NPAS3: variants seen among roughly 807,000 people sequenced by gnomAD.
NPAS3 encodes neuronal PAS domain protein 3, also known as neuronal PAS domain-containing protein 3.
Under a neutral mutation model 73.1 loss-of-function variants are expected in NPAS3, and 14 were observed. The observed-to-expected ratio is 0.19, with a 90% confidence interval of 0.13 to 0.30. NPAS3 has a LOEUF of 0.30. Ranked by LOEUF, NPAS3 falls within the 10% of genes least tolerant of loss-of-function variation. The pLI, the probability that NPAS3 is intolerant of heterozygous loss-of-function variation, is 1.00. For missense variants in NPAS3, 1,096 were observed against 1,250.0 expected (o/e 0.88, Z 1.86); for synonymous variants, 620 against 541.5 (o/e 1.14, Z -2.01).
At chr14:32,963,912 T>C (rs1401950430) in intron 1 of NPAS3, among the ~76,000 whole-genome samples, 1 of 151,942 alleles carries the variant, frequency 6.6e-6, no homozygotes, top group East Asian at 1.9e-4. Context: ...TGAGAAGCCA[T>C]GATTTGGGAG....
chr14:33,681,619 T>TAGAGTAGCAACTTTC (rs2059940548), intron 6 of NPAS3, among the ~76,000 whole-genome samples: 1 of 152,182 alleles, frequency 6.6e-6, no homozygotes, highest in Non-Finnish European at 1.5e-5. Flanking sequence ...TATCTACATA[T>TAGAGTAGCAACTTTC]AGAGTAGCAA....
chr14:33,446,104 T>C (rs923692450), intron 4 of NPAS3, among the ~76,000 whole-genome samples: 5 of 151,962 alleles, frequency 3.3e-5, no homozygotes, highest in African/African-American at 4.8e-5. Flanking sequence ...CACTGAAATC[T>C]TTTCTTCCAG....
At chr14:33,763,836 G>T (rs2062374063) in intron 7 of NPAS3, among the ~76,000 whole-genome samples, 1 of 141,016 alleles carries the variant, frequency 7.1e-6, no homozygotes, top group Non-Finnish European at 1.5e-5. Flanking sequence ...CTAAATTTGG[G>T]GAGTATTGGT....
intron 1 of NPAS3, among the ~76,000 whole-genome samples, chr14:33,034,008 A>G (rs889449103): frequency 6.6e-6 from 1 of 152,214 alleles, no homozygotes; most frequent in African/African-American, 2.4e-5. Flanking sequence ...ACAAATTTAA[A>G]TCAGATAATC....
chr14:33,348,179 C>T (rs2044839465), intron 3 of NPAS3, among the ~76,000 whole-genome samples: 1 of 152,158 alleles, frequency 6.6e-6, no homozygotes, highest in Admixed American at 6.5e-5. Context: ...TAACTTGCCC[C>T]ATATCCCATG....
chr14:33,256,462 TA>T (rs2139926882), intron 3 of NPAS3, among the ~76,000 whole-genome samples: 1 of 152,322 alleles, frequency 6.6e-6, no homozygotes, highest in South Asian at 2.1e-4. Context: ...GGTGAATTAC[TA>T]GTAATTTCAC....
At chr14:33,110,847 A>G (rs538071077) in intron 2 of NPAS3, among the ~76,000 whole-genome samples, 1 of 152,312 alleles carries the variant, frequency 6.6e-6, no homozygotes, top group East Asian at 1.9e-4. Flanking sequence ...ACTAGGTTTT[A>G]TGTTGTTAAC....
At chr14:33,315,359 T>C (rs924861195) in intron 3 of NPAS3, among the ~76,000 whole-genome samples, 4 of 152,048 alleles carry the variant, frequency 2.6e-5, no homozygotes, top group Non-Finnish European at 5.9e-5. Flanking sequence ...AGTAATAGAT[T>C]CTTTATTGTG....
intron 1 of NPAS3, among the ~76,000 whole-genome samples, chr14:32,967,308 A>G (rs1023992110): frequency 6.6e-6 from 1 of 152,240 alleles, no homozygotes; most frequent in African/African-American, 2.4e-5. Context: ...AATGCAACAT[A>G]TAATTTACAA....
chr14:33,755,033 T>A (rs1383511522), intron 7 of NPAS3, among the ~76,000 whole-genome samples: 2 of 152,326 alleles, frequency 1.3e-5, no homozygotes, highest in South Asian at 2.1e-4. Flanking sequence ...GCCCTGGCCT[T>A]AGGATCAACA....
At chr14:33,313,225 C>G (rs1360858012) in intron 3 of NPAS3, among the ~76,000 whole-genome samples, 1 of 152,040 alleles carries the variant, frequency 6.6e-6, no homozygotes, top group Admixed American at 6.6e-5. Context: ...TCATTCTCAT[C>G]AGATAAAAAT....
Position 33,615,461 on chromosome 14 carries a change from G to A in NPAS3, c.558+55251G>A, listed in dbSNP as rs532794364. ...ATTAAGAAGGAGTAAGCGAGGACTTGGGTACTGATTCAATATTGAGAGAAA... is the reference window on the plus strand; with the variant it reads ...ATTAAGAAGGAGTAAGCGAGGACTTAGGTACTGATTCAATATTGAGAGAAA... On this transcript the variant is annotated intron_variant, in intron 5 of 11. Coordinates refer to ENST00000356141, the Ensembl canonical transcript of NPAS3. 1.6e-3 allele frequency among the ~76,000 whole-genome samples: 251 copies of A among 152,216 alleles called. 2 individuals carry two copies. Among genetic ancestry groups the A allele is most frequent in the African/African-American group, 5.3e-3 (219 of 41,544 alleles).
At chr14:33,670,273 T>C (rs968889220) in intron 5 of NPAS3, among the ~76,000 whole-genome samples, 17 of 152,202 alleles carry the variant, frequency 1.1e-4, no homozygotes, top group African/African-American at 3.9e-4. Flanking sequence ...GTGTTCTTAT[T>C]TGATGACACA....
chr14:33,140,007 ATGT>A (rs1348788555), intron 2 of NPAS3, among the ~76,000 whole-genome samples: 1 of 151,660 alleles, frequency 6.6e-6, no homozygotes, highest in Non-Finnish European at 1.5e-5. Flanking sequence ...GCTACTTTGC[ATGT>A]TGTTTGCTGT....
chr14:33,604,589 A>G (rs564654907), intron 5 of NPAS3, among the ~76,000 whole-genome samples: 1 of 152,238 alleles, frequency 6.6e-6, no homozygotes, highest in South Asian at 2.1e-4. Context: ...AAATAGCACT[A>G]TCTACCAGCT....
rs187380400 is a variant in NPAS3 at position 33,713,183 on chromosome 14, A to G, written c.734-22031A>G. Among the ~76,000 whole-genome samples the G allele has an allele frequency of 2.1e-3, 320 of 152,292 alleles. 2 individuals carry two copies. Among genetic ancestry groups the G allele is most frequent in the African/African-American group, 7.2e-3 (300 of 41,566 alleles). On this transcript the variant is annotated intron_variant, in intron 6 of 11. Coordinates refer to ENST00000356141, the Ensembl canonical transcript of NPAS3. The stretch of plus-strand genomic sequence containing the variant: ...TTAGTTCAATTCTGTTATCAACTCA[A>G]TTGATTTACAAGGTCTCATATAGTA...
At chr14:33,582,986 T>TTTTTTTTTTTTG (rs2056732080) in intron 5 of NPAS3, among the ~76,000 whole-genome samples, 1 of 147,512 alleles carries the variant, frequency 6.8e-6, no homozygotes, top group Non-Finnish European at 1.5e-5. Flanking sequence ...TTTTTTTTTT[T>TTTTTTTTTTTTG]GGCTACTGGT....
intron 3 of NPAS3, among the ~76,000 whole-genome samples, chr14:33,344,440 G>T (rs1407198044): frequency 6.6e-6 from 1 of 152,050 alleles, no homozygotes; most frequent in African/African-American, 2.4e-5. Flanking sequence ...GTTTCTAGTT[G>T]AATTTCATTT....
At chr14:33,066,780 G>C (rs1017902916) in intron 2 of NPAS3, among the ~76,000 whole-genome samples, 5 of 152,164 alleles carry the variant, frequency 3.3e-5, no homozygotes, top group African/African-American at 7.2e-5. Flanking sequence ...GATCCTTCTG[G>C]GACAACAGAA....
Sources: allele counts gnomAD v4.1 joint callset (sites outside exome capture counted in the v4.1 genomes callset), GRCh38; gene constraint gnomAD v4.1.1; transcripts MANE v1.5; gene names NCBI Gene and HGNC (gene_info 2026-07-23, HGNC 2026-07-21).